SLC27A1: variants seen among roughly 807,000 people sequenced by gnomAD.
SLC27A1 encodes the protein long-chain fatty acid transport protein 1.
SLC27A1 carries 61 observed loss-of-function variants against 62.2 expected under a neutral mutation model. That is an observed-to-expected ratio of 0.98 (90% confidence interval 0.80 to 1.21). The LOEUF (loss-of-function observed/expected upper bound fraction) is 1.21. Ranked by LOEUF, SLC27A1 falls within the 50% of genes most tolerant of loss-of-function variation. The pLI, the probability that SLC27A1 is intolerant of heterozygous loss-of-function variation, is 0.00. For missense variants in SLC27A1, 903 were observed against 932.1 expected (o/e 0.97, Z 0.41); for synonymous variants, 435 against 408.6 (o/e 1.06, Z -0.78).
intron 6 of SLC27A1, among the ~76,000 whole-genome samples, chr19:17,493,739 C>T (rs2075319647): frequency 6.6e-6 from 1 of 151,804 alleles, no homozygotes; most frequent in Non-Finnish European, 1.5e-5. Flanking sequence ...ATTCCCCTCC[C>T]TCAGCCTCCT....
intron 1 of SLC27A1, among the ~76,000 whole-genome samples, chr19:17,481,848 A>G (rs1234860843): frequency 6.6e-6 from 1 of 150,512 alleles, no homozygotes. Flanking sequence ...TAAGGAGGGA[A>G]CTCTCCAGTT....
chr19:17,472,465 A>G (rs766309149), intron 1 of SLC27A1, among the ~76,000 whole-genome samples: 1 of 151,484 alleles, frequency 6.6e-6, no homozygotes, highest in Non-Finnish European at 1.5e-5. Flanking sequence ...GTCCCTGACC[A>G]TGTCCCAGCC....
intron 1 of SLC27A1, among the ~76,000 whole-genome samples, chr19:17,473,327 C>T (rs1306425426): frequency 6.6e-6 from 1 of 152,224 alleles, no homozygotes; most frequent in Non-Finnish European, 1.5e-5. Context: ...GATTTCACCC[C>T]TTCCTCCTAA....
chr19:17,472,522 A>G (rs1407109178), intron 1 of SLC27A1, among the ~76,000 whole-genome samples: 4 of 151,368 alleles, frequency 2.6e-5, no homozygotes, highest in South Asian at 2.1e-4. Flanking sequence ...CCTTTTGTCT[A>G]TTGCTCATTT....
At chr19:17,484,125 T>G (rs1378493650) in intron 1 of SLC27A1, 2 of 152,130 alleles carry the variant, frequency 1.3e-5, no homozygotes, top group Non-Finnish European at 1.5e-5. Context: ...GACACTGGTA[T>G]GCACCAGCTG....
rs1475577807 is a variant in SLC27A1, at chr19:17,497,382, C to T, written c.1124C>T (p.Thr375Met). The change falls in exon 7 of 12, where the codon ACG becomes ATG. Residue 375 changes from threonine (T) to methionine (M), a missense_variant. Physicochemically the swap from Thr to Met is moderately conservative, Grantham distance 81. Transcript: ENST00000252595. ...CGTCCTGCCATCTGGGAGGAGTTCA[C>T]GGAGCGCTTCGGCGTACGCCAAATC... is the stretch of plus-strand genomic sequence containing the variant. ...GLRPAIWEEFTERFGVRQIGE... is the reference protein window; with the variant it reads ...GLRPAIWEEFMERFGVRQIGE... The T allele has an allele frequency of 1.2e-6, 2 of 1,603,852 alleles. No individual in the cohort carries two copies. The highest frequency in any genetic ancestry group is 1.7e-6 in the Non-Finnish European group (2 of 1,177,010).
chr19:17,503,815 C>A (rs934059346), intron 11 of SLC27A1, among the ~76,000 whole-genome samples: 1 of 151,026 alleles, frequency 6.6e-6, no homozygotes, highest in South Asian at 2.1e-4. Context: ...GCCTATAATC[C>A]CAGCTACTTG....
chr19:17,493,437 A>AC (rs2075316144), intron 6 of SLC27A1, among the ~76,000 whole-genome samples: 1 of 151,404 alleles, frequency 6.6e-6, no homozygotes, highest in Non-Finnish European at 1.5e-5. Context: ...CAAAAAAAAA[A>AC]AAAAAAAAAA....
rs1248234793 is a variant in SLC27A1, at chr19:17,486,759, C to T, written c.364C>T (p.Gln122Ter). 1.9e-6 allele frequency: 3 copies of T among 1,608,486 alleles called. No homozygotes were observed. Among genetic ancestry groups the T allele is most frequent in the Middle Eastern group, 1.6e-4 (1 of 6,070 alleles). Residue 122 changes from glutamine to a stop codon, truncating the protein, a stop_gained, in exon 2 of 12, where the codon CAG becomes TAG. Transcript: ENST00000252595. LOFTEE classifies it high-confidence loss of function. This position sits in a 1 kb window ranked among gnomAD's most constrained non-coding sequence, Gnocchi z 6.6. ...CAATGCGGTAGCCAACCTCTTCCGC[C>T]AGCTGGGCTTCGCGCCGGGCGACGT... ...YSNAVANLFR[Q>*]LGFAPGDVVA...
rs1434976701 is a variant in SLC27A1, at chr19:17,505,385, G to GGGT, written c.*774_*776dup. 4 of 160,078 alleles carry GGGT rather than the reference G, an allele frequency of 2.5e-5. No homozygotes were observed. Among genetic ancestry groups the GGGT allele is most frequent in the Non-Finnish European group, 5.5e-5 (4 of 72,252 alleles). The allele number at this position is 160,078 out of a possible 1,614,324, so 9.9% of individuals were successfully genotyped here. On this transcript the variant is annotated 3_prime_UTR_variant, in exon 12 of 12. Coordinates refer to ENST00000252595, the MANE Select transcript of SLC27A1 (RefSeq NM_198580.3). ...CCGATCCAGGCCTCCTGTGGCTGTTGGGTTCCAGATGCTGCAGCTCCATGT... is the reference window on the plus strand; with the variant it reads ...CCGATCCAGGCCTCCTGTGGCTGTTGGGTGGTTCCAGATGCTGCAGCTCCATGT...
Position 17,502,684 on chromosome 19 carries a change from TTTTG to T in SLC27A1, c.1783+1282_1783+1285del, listed in dbSNP as rs372968860. Among the ~76,000 whole-genome samples, 774 of 151,878 alleles carry T rather than the reference TTTTG, an allele frequency of 5.1e-3. 3 individuals carry two copies. Among genetic ancestry groups the T allele is most frequent in the African/African-American group, 0.017 (719 of 41,412 alleles). On this transcript the variant is annotated intron_variant, in intron 11 of 11. Transcript: ENST00000252595. ...GTATCTTTTCTTTTTCTTTTGTTTTTTTTGTTTGTTTGTTTGTTTGAGACAGGGT... is the reference window on the plus strand; with the variant it reads ...GTATCTTTTCTTTTTCTTTTGTTTTTTTTGTTTGTTTGTTTGAGACAGGGT...
At chr19:17,476,334 G>A (rs979333087) in intron 1 of SLC27A1, among the ~76,000 whole-genome samples, 1 of 152,056 alleles carries the variant, frequency 6.6e-6, no homozygotes, top group Non-Finnish European at 1.5e-5. Context: ...TCAGGAGTTC[G>A]AGACTAGCCT....
At position 17,486,757 on chromosome 19, in the gene SLC27A1, G is replaced by A. The variant is rs370876668; in HGVS notation, c.362G>A (p.Arg121His). The change falls in exon 2 of 12, where the codon CGC becomes CAC. Residue 121 changes from arginine (R) to histidine (H), a missense_variant. Arg to His is a conservative substitution (Grantham distance 29). Coordinates refer to ENST00000252595, the MANE Select transcript of SLC27A1 (RefSeq NM_198580.3). This position sits in a 1 kb window ranked among gnomAD's most constrained non-coding sequence, Gnocchi z 6.6. ...AYSNAVANLF[R>H]QLGFAPGDVV... ...TCCAATGCGGTAGCCAACCTCTTCC[G>A]CCAGCTGGGCTTCGCGCCGGGCGAC... 6.2e-7 allele frequency: 1 copy of A among 1,608,486 alleles called. No individual in the cohort carries two copies. Among genetic ancestry groups the A allele is most frequent in the Non-Finnish European group, 8.5e-7 (1 of 1,177,336 alleles).
intron 1 of SLC27A1, among the ~76,000 whole-genome samples, chr19:17,471,876 C>G (rs977516873): frequency 6.6e-6 from 1 of 152,194 alleles, no homozygotes. Context: ...AGAAGGAAGA[C>G]TCAGCCCCTA....
At chr19:17,484,805 G>A (rs750920201) in intron 1 of SLC27A1, among the ~76,000 whole-genome samples, 2 of 152,188 alleles carry the variant, frequency 1.3e-5, no homozygotes, top group Non-Finnish European at 1.5e-5. Flanking sequence ...GAACATTTTG[G>A]GGGGTGTGAG....
Position 17,488,616 on chromosome 19 carries a change from C to T in SLC27A1, c.795-232C>T, listed in dbSNP as rs1395941460. ...CCTCCCTAGACAGGATCCCCCAACC[C>T]CCCTGGCTGCATTACCATCAGCCCC... On this transcript the variant is annotated intron_variant, in intron 4 of 11. Transcript: ENST00000252595. 8.4e-6 allele frequency: 5 copies of T among 593,876 alleles called. No individual in the cohort carries two copies. The East Asian group carries it at 1.1e-4, about 13-fold the overall frequency. 36.8% of individuals were successfully genotyped at this position (593,876 alleles called of 1,614,324 possible). A position where few individuals can be genotyped will look rare whatever the true frequency, so the allele number is the denominator to read the frequency against.
rs374901109 is a variant in SLC27A1, at chr19:17,487,581, A to C, written c.794+52A>C. On this transcript the variant is annotated intron_variant, in intron 4 of 11. Transcript: ENST00000252595. ...TCAGCCGCTGAGAGTGACCCAGGCT[A>C]TCTTGCCAGCCTGACCTGCCCCTCA... 7.9e-4 allele frequency: 1,243 copies of C among 1,568,842 alleles called. 1 individual carries two copies. Among genetic ancestry groups the C allele is most frequent in the Admixed American group, 1.2e-3 (69 of 57,266 alleles).
rs148197572 is a variant in SLC27A1 at position 17,485,498 on chromosome 19, CTTGTTTGTTTGT to C, written c.168-1042_168-1031del. 9.8e-3 allele frequency among the ~76,000 whole-genome samples: 1,462 copies of C among 149,776 alleles called. 14 individuals are homozygous for C. The highest frequency in any genetic ancestry group is 0.015 in the Non-Finnish European group (987 of 67,458). Reference sequence around the variant, plus strand: ...CCACCACGCCTGGCCTAAAGCATTTCTTGTTTGTTTGTTTGTTTGTTTGTTTGTTTGTTTTTA... The same window carrying C: ...CCACCACGCCTGGCCTAAAGCATTTCTTGTTTGTTTGTTTGTTTGTTTTTA... On this transcript the variant is annotated intron_variant, in intron 1 of 11. Coordinates refer to ENST00000252595, the MANE Select transcript of SLC27A1 (RefSeq NM_198580.3).
chr19:17,482,519 C>T (rs1276127013), intron 1 of SLC27A1, among the ~76,000 whole-genome samples: 4 of 151,944 alleles, frequency 2.6e-5, no homozygotes, highest in African/African-American at 9.7e-5. Context: ...GGCGTGGTAG[C>T]ATGTGCCTGT....
Sources: gnomAD v4.1 joint callset for allele counts (sites outside exome capture counted in the v4.1 genomes callset) on GRCh38, gnomAD v4.1.1 for gene constraint, Gnocchi (gnomAD v3.1) non-coding constraint, MANE v1.5 for transcripts, NCBI Gene and HGNC (gene_info 2026-07-23, HGNC 2026-07-21) for gene names.